Variants in FHOD3 observed in about 807,000 individuals in gnomAD.
The protein encoded by FHOD3 is formin homology 2 domain containing 3.
A neutral mutation model predicts 173.0 loss-of-function variants in FHOD3; 90 were observed. The observed-to-expected ratio is 0.52, with a 90% CI of 0.44 to 0.62. FHOD3 has a LOEUF of 0.62. Among genes scored for constraint, FHOD3 ranks in the 20% least tolerant of loss-of-function variants. The pLI is 0.00. For missense variants in FHOD3, 1,945 were observed against 2,034.7 expected, an observed-to-expected ratio of 0.96 and a Z score of 0.85; for synonymous variants, 828 against 823.0, an observed-to-expected ratio of 1.01 and a Z score of -0.10.
At chr18:36,685,656 A>G in intron 15 of FHOD3, among the ~76,000 whole-genome samples, 1 of 152,192 alleles carries the variant, frequency 6.6e-6, no homozygotes. Context: ...TCCCGGTCCT[A>G]CACTGCTGTA....
rs2039078091 is a variant in FHOD3, at chr18:36,693,378, C to T, written c.2191C>T (p.Leu731Phe). The change falls in exon 17 of 29, where the codon CTC (leucine) becomes TTC (phenylalanine). Residue 731 changes from leucine (L) to phenylalanine (F), a missense_variant. Physicochemically the swap from Leu to Phe is conservative, Grantham distance 22 (BLOSUM62 0). This residue lies in a region of FHOD3 where 1,099 missense variants were observed against 1,051.2 expected (regional missense o/e 1.05). Coordinates refer to ENST00000590592, the MANE Select transcript of FHOD3 (RefSeq NM_001281740.3). ...SPSSSDSQEA[L>F]TVSASSPGTP... ...CTCATCTTCAGACTCTCAAGAGGCT[C>T]TCACGGTGTCTGCCTCCTCCCCAGG... 6 of 1,613,928 alleles carry T rather than the reference C, an allele frequency of 3.7e-6. No individual in the cohort carries two copies. Among genetic ancestry groups the T allele is most frequent in the Non-Finnish European group, 5.1e-6 (6 of 1,179,868 alleles).
intron 3 of FHOD3, among the ~76,000 whole-genome samples, chr18:36,478,181 GT>G (rs2145383776): frequency 6.6e-6 from 1 of 152,250 alleles, no homozygotes; most frequent in South Asian, 2.1e-4. Flanking sequence ...ATATTTAAAG[GT>G]TTTTAATGCT....
At chr18:36,535,238 T>C (rs2056949057) in intron 5 of FHOD3, among the ~76,000 whole-genome samples, 1 of 152,198 alleles carries the variant, frequency 6.6e-6, no homozygotes, top group African/African-American at 2.4e-5. Flanking sequence ...GAAAATAGCA[T>C]GCTCTAGACT....
At chr18:36,715,831 T>C (rs2040418798) in intron 18 of FHOD3, among the ~76,000 whole-genome samples, 1 of 152,148 alleles carries the variant, frequency 6.6e-6, no homozygotes, top group Admixed American at 6.5e-5. Context: ...TGAGAAGATA[T>C]GGTTTGAGTA....
intron 3 of FHOD3, among the ~76,000 whole-genome samples, chr18:36,387,890 G>T (rs572930514): frequency 6.6e-6 from 1 of 152,154 alleles, no homozygotes; most frequent in East Asian, 2.0e-4. Flanking sequence ...ACCATTACAG[G>T]AAGGGGTAGA....
At chr18:36,355,434 A>C in intron 1 of FHOD3, 105 bp from the exon 2 acceptor site, 1 of 851,460 alleles carries the variant, frequency 1.2e-6, no homozygotes, top group African/African-American at 1.7e-5. Flanking sequence ...ATTTCAGAAC[A>C]TTGCTTGATT....
At chr18:36,595,674 G>A (rs1187288678) in intron 7 of FHOD3, among the ~76,000 whole-genome samples, 1 of 152,208 alleles carries the variant, frequency 6.6e-6, no homozygotes, top group African/African-American at 2.4e-5. Context: ...GAGCCAGCAG[G>A]CATGCTGCAA....
At chr18:36,497,441 AAGACAATGGTC>A (rs1322491285) in intron 3 of FHOD3, among the ~76,000 whole-genome samples, 1 of 152,238 alleles carries the variant, frequency 6.6e-6, no homozygotes, top group Non-Finnish European at 1.5e-5. Flanking sequence ...TAGCAATTAG[AAGACAATGGTC>A]AGATTGCATG....
At chr18:36,669,488 C>T (rs1359729077) in intron 14 of FHOD3, among the ~76,000 whole-genome samples, 1 of 150,940 alleles carries the variant, frequency 6.6e-6, no homozygotes, top group African/African-American at 2.4e-5. Flanking sequence ...TTCTTTCTTC[C>T]TTTTGGGGGG....
chr18:36,708,086 T>TA (rs1440167205), intron 17 of FHOD3, among the ~76,000 whole-genome samples: 1 of 152,036 alleles, frequency 6.6e-6, no homozygotes. Flanking sequence ...TAAATAAAAA[T>TA]AAAAAAATTT....
intron 1 of FHOD3, among the ~76,000 whole-genome samples, chr18:36,354,733 G>A (rs2046279484): frequency 6.6e-6 from 1 of 151,980 alleles, no homozygotes; most frequent in African/African-American, 2.4e-5. Flanking sequence ...TTGAACCCGG[G>A]AGGCAGAGGT....
rs370854545 is a variant in FHOD3 at position 36,691,185 on chromosome 18, A to G, written c.2022-2024A>G. ...ACAGAGAGGCATGCAGAAGGCCAGG[A>G]CCAGGAATGAGCCAGCAAAAATGAA... On this transcript the variant is annotated intron_variant, in intron 16 of 28. Coordinates refer to ENST00000590592, the MANE Select transcript of FHOD3 (RefSeq NM_001281740.3). 7.5e-4 allele frequency among the ~76,000 whole-genome samples: 114 copies of G among 152,136 alleles called. 1 individual carries two copies. Among genetic ancestry groups the G allele is most frequent in the African/African-American group, 2.7e-3 (110 of 41,500 alleles).
At chr18:36,741,380 G>A (rs1029564177) in intron 21 of FHOD3, among the ~76,000 whole-genome samples, 1 of 152,188 alleles carries the variant, frequency 6.6e-6, no homozygotes, top group African/African-American at 2.4e-5. Context: ...TTTTTCGCAG[G>A]CTGAACAGAA....
chr18:36,707,305 C>G (rs1480768703), intron 17 of FHOD3, among the ~76,000 whole-genome samples: 1 of 152,184 alleles, frequency 6.6e-6, no homozygotes, highest in Non-Finnish European at 1.5e-5. Context: ...CCCATGTCCT[C>G]CAGCCTTCCC....
chr18:36,748,771 G>A (rs1455576846), intron 24 of FHOD3, among the ~76,000 whole-genome samples: 1 of 152,120 alleles, frequency 6.6e-6, no homozygotes, highest in African/African-American at 2.4e-5. Flanking sequence ...CTAAACCGTA[G>A]AACCCTGTGT....
chr18:36,551,957 T>A (rs1345012383), intron 5 of FHOD3, among the ~76,000 whole-genome samples: 2 of 152,196 alleles, frequency 1.3e-5, no homozygotes, highest in Admixed American at 6.5e-5. Flanking sequence ...TTCTTTTTGC[T>A]TAGGATTGAC....
At chr18:36,638,682 T>C (rs567946408) in intron 10 of FHOD3, among the ~76,000 whole-genome samples, 10 of 152,296 alleles carry the variant, frequency 6.6e-5, no homozygotes, top group African/African-American at 2.4e-4. Flanking sequence ...ATGCAGTTTC[T>C]GAAAGGAGGG....
At chr18:36,565,939 A>G (rs909639423) in intron 5 of FHOD3, among the ~76,000 whole-genome samples, 4 of 152,250 alleles carry the variant, frequency 2.6e-5, no homozygotes, top group African/African-American at 9.6e-5. Context: ...TGATATATCT[A>G]TAGTTATAAT....
rs1425125459 is a variant in FHOD3 at position 36,444,481 on chromosome 18, C to T, written c.338-57451C>T. Among the ~76,000 whole-genome samples, 11 of 152,252 alleles carry T rather than the reference C, an allele frequency of 7.2e-5. No homozygotes were observed. The East Asian group carries it at 2.1e-3, about 29-fold the overall frequency. On this transcript the variant is annotated intron_variant, in intron 3 of 28. Coordinates refer to ENST00000590592, the MANE Select transcript of FHOD3 (RefSeq NM_001281740.3). ...AATCAGAATTACACAAAGAGGCAGA[C>T]CAGAGAAGTGTGAATTACTCCTCAC...
Sources: gnomAD v4.1 joint callset for allele counts (sites outside exome capture counted in the v4.1 genomes callset) on GRCh38, gnomAD v4.1.1 for gene constraint, gnomAD v4.1.1 regional missense constraint, MANE v1.5 for transcripts, NCBI Gene and HGNC (gene_info 2026-07-23, HGNC 2026-07-21) for gene names.